BRD10: variants seen among roughly 807,000 people sequenced by gnomAD.
BRD10 encodes the protein uncharacterized bromodomain-containing protein 10.
chr9:5,924,926 C>T, the BRD10 span: 1 of 1,001,432 alleles, frequency 1.0e-6, no homozygotes, highest in South Asian at 3.3e-5. Context: ...ACATTTTAAA[C>T]TACATATGGA....
chr9:5,962,422 T>A, the BRD10 span, among the ~76,000 whole-genome samples: 1 of 102,990 alleles, frequency 9.7e-6, no homozygotes, highest in South Asian at 3.8e-4. Flanking sequence ...ATCAATAGTT[T>A]ACCAACCAAA....
At chr9:5,936,620 A>G in the BRD10 span, among the ~76,000 whole-genome samples, 1 of 152,062 alleles carries the variant, frequency 6.6e-6, no homozygotes, top group East Asian at 1.9e-4. Flanking sequence ...TTCTTTTTCT[A>G]CAGAGTCTAG....
the BRD10 span, among the ~76,000 whole-genome samples, chr9:5,893,243 A>G: frequency 6.6e-6 from 1 of 152,162 alleles, no homozygotes; most frequent in East Asian, 1.9e-4. Context: ...CTGCAGGGAC[A>G]TACTCTGTAT....
chr9:5,892,138 T>G, the BRD10 span, among the ~76,000 whole-genome samples: 4 of 152,164 alleles, frequency 2.6e-5, no homozygotes, highest in Admixed American at 2.6e-4. Context: ...TGGTGCAGAG[T>G]CAAATTGAAG....
the BRD10 span, among the ~76,000 whole-genome samples, chr9:5,879,751 G>A: frequency 6.6e-6 from 1 of 152,124 alleles, no homozygotes; most frequent in Non-Finnish European, 1.5e-5. Context: ...TGACTCACAT[G>A]GTCAGCCTCT....
chr9:5,937,407 T>C, the BRD10 span, among the ~76,000 whole-genome samples: 2 of 151,492 alleles, frequency 1.3e-5, no homozygotes, highest in South Asian at 4.2e-4. Flanking sequence ...TGGTGGCACA[T>C]GCCTGTAATC....
chr9:5,993,152 C>T, the BRD10 span, among the ~76,000 whole-genome samples: 1 of 151,736 alleles, frequency 6.6e-6, no homozygotes, highest in Non-Finnish European at 1.5e-5. Context: ...CCCATCTCTA[C>T]TAATAATAAA....
chr9:5,947,445 G>T, the BRD10 span, among the ~76,000 whole-genome samples: 3 of 152,024 alleles, frequency 2.0e-5, no homozygotes, highest in Non-Finnish European at 2.9e-5. Flanking sequence ...TCCAAATAGG[G>T]AATGGCATAT....
At chr9:5,935,612 A>G in the BRD10 span, among the ~76,000 whole-genome samples, 3 of 152,224 alleles carry the variant, frequency 2.0e-5, no homozygotes, top group South Asian at 6.2e-4. Flanking sequence ...ACAGATCCAT[A>G]TATGCTATCA....
At chr9:5,889,051 T>TCTG in the BRD10 span, among the ~76,000 whole-genome samples, 1 of 152,346 alleles carries the variant, frequency 6.6e-6, no homozygotes, top group African/African-American at 2.4e-5. Context: ...TTTGGTGGTC[T>TCTG]CTGCTGGTCT....
chr9:5,900,529 T>G, the BRD10 span, among the ~76,000 whole-genome samples: 93 of 152,316 alleles, frequency 6.1e-4, no homozygotes, highest in African/African-American at 2.2e-3. Flanking sequence ...CTGTCTTCAG[T>G]GATTCTATTT....
the BRD10 span, among the ~76,000 whole-genome samples, chr9:5,980,208 T>G: frequency 1.3e-5 from 2 of 152,148 alleles, no homozygotes; most frequent in Non-Finnish European, 2.9e-5. Flanking sequence ...GCTCTTTCAC[T>G]CAATTTTCTC....
chr9:5,996,007 A>C, the BRD10 span, among the ~76,000 whole-genome samples: 1 of 152,132 alleles, frequency 6.6e-6, no homozygotes, highest in African/African-American at 2.4e-5. Flanking sequence ...CTAGAAATAT[A>C]CTCAGTTTTT....
chr9:6,002,739 C>T, the BRD10 span, among the ~76,000 whole-genome samples: 4 of 150,746 alleles, frequency 2.7e-5, no homozygotes, highest in African/African-American at 7.3e-5. Context: ...TGCAGCAGCA[C>T]CATCTCGGCT....
At chr9:5,946,385 A>G in the BRD10 span, among the ~76,000 whole-genome samples, 11 of 152,212 alleles carry the variant, frequency 7.2e-5, no homozygotes, top group Admixed American at 4.6e-4. Flanking sequence ...TATTTATTAG[A>G]AACTACACAT....
the BRD10 span, among the ~76,000 whole-genome samples, chr9:5,918,124 A>G: frequency 6.6e-6 from 1 of 152,204 alleles, no homozygotes; most frequent in African/African-American, 2.4e-5. Context: ...GAGTGACTTG[A>G]GTAGAGCATA....
the BRD10 span, among the ~76,000 whole-genome samples, chr9:5,935,757 G>GTATCC: frequency 1.6e-4 from 25 of 152,304 alleles, no homozygotes; most frequent in Non-Finnish European, 3.4e-4. Flanking sequence ...AGCAGGGACA[G>GTATCC]TATCCTACTT....
chr9:5,883,709 C>T, the BRD10 span, among the ~76,000 whole-genome samples: 3 of 152,082 alleles, frequency 2.0e-5, no homozygotes, highest in African/African-American at 7.2e-5. Flanking sequence ...TGGACTCAAG[C>T]AACCCTCTCA....
the BRD10 span, among the ~76,000 whole-genome samples, chr9:5,990,767 T>G: frequency 1.3e-5 from 2 of 152,244 alleles, no homozygotes; most frequent in African/African-American, 4.8e-5. Context: ...GAAGGAAAAA[T>G]TCTTAAACAA....
Sources: gnomAD v4.1 joint callset for allele counts (sites outside exome capture counted in the v4.1 genomes callset) on GRCh38, gnomAD v4.1.1 for gene constraint, MANE v1.5 for transcripts, NCBI Gene and HGNC (gene_info 2026-07-23, HGNC 2026-07-21) for gene names.